MALRD1: variants seen among roughly 807,000 people sequenced by gnomAD.
MALRD1 encodes the protein MAM and LDL-receptor class A domain-containing protein 1.
A neutral mutation model predicts 242.1 loss-of-function variants in MALRD1; 247 were observed. That is an observed-to-expected ratio of 1.02 (90% CI 0.92 to 1.13). The LOEUF is 1.13. Ranked by LOEUF, MALRD1 falls within the 50% of genes most tolerant of loss-of-function variation. The probability of loss-of-function intolerance (pLI) is 0.00; values close to 1 mark genes in which losing one functional copy is unlikely to be tolerated. For synonymous variants in MALRD1, 995 were observed against 866.6 expected, an observed-to-expected ratio of 1.15 and a Z score of -2.60; for missense variants, 2,989 against 2,533.1, an observed-to-expected ratio of 1.18 and a Z score of -3.86.
chr10:19,221,678 T>G (rs1191663059), intron 18 of MALRD1, among the ~76,000 whole-genome samples: 5 of 152,128 alleles, frequency 3.3e-5, no homozygotes, highest in African/African-American at 1.2e-4. Context: ...CTTGATAGGT[T>G]TATTAAAGTC....
chr10:19,380,701 A>G lies in MALRD1; in HGVS notation c.4442-6827A>G, dbSNP rs989101669. On this transcript the variant is annotated intron_variant, in intron 26 of 39. Transcript: ENST00000454679. ...ATTATATAGAATTTAAAAATGTTTT[A>G]ATCATTTCCTCTCTATCCATTTACT... Among the ~76,000 whole-genome samples the G allele has an allele frequency of 3.3e-5, 5 of 152,104 alleles. No homozygotes were observed. The East Asian group carries it at 7.7e-4, about 24-fold the overall frequency.
chr10:19,643,354 T>A (rs1461926395), intron 36 of MALRD1, among the ~76,000 whole-genome samples: 1 of 151,980 alleles, frequency 6.6e-6, no homozygotes, highest in Non-Finnish European at 1.5e-5. Context: ...GCTGAAGCAG[T>A]AGAATCGCTT....
intron 33 of MALRD1, among the ~76,000 whole-genome samples, chr10:19,586,302 C>G (rs1400668384): frequency 6.6e-6 from 1 of 152,142 alleles, no homozygotes; most frequent in Non-Finnish European, 1.5e-5. Context: ...GAGAGGTGCT[C>G]TGCTTTTTAG....
intron 29 of MALRD1, among the ~76,000 whole-genome samples, chr10:19,466,971 C>G (rs1481044540): frequency 6.6e-6 from 1 of 152,098 alleles, no homozygotes; most frequent in Non-Finnish European, 1.5e-5. Flanking sequence ...GGATGTTTAA[C>G]ATGTTCATGC....
chr10:19,450,975 A>C (rs1380539815), intron 29 of MALRD1, among the ~76,000 whole-genome samples: 2 of 152,296 alleles, frequency 1.3e-5, no homozygotes, highest in African/African-American at 4.8e-5. Flanking sequence ...ATCTCTGGAC[A>C]CTATCACCTT....
chr10:19,048,789 G>A, upstream of MALRD1: 2 of 487,742 alleles, frequency 4.1e-6, no homozygotes, highest in Non-Finnish European at 6.5e-6. Context: ...ACTGCCTGGG[G>A]AGTAATTTGT....
At chr10:19,432,296 T>C (rs1364161583) in intron 28 of MALRD1, among the ~76,000 whole-genome samples, 4 of 152,198 alleles carry the variant, frequency 2.6e-5, no homozygotes, top group African/African-American at 7.2e-5. Flanking sequence ...AATGAAACAA[T>C]TCACTGTTTA....
chr10:19,212,082 T>G (rs574875322), intron 18 of MALRD1, among the ~76,000 whole-genome samples: 10 of 152,322 alleles, frequency 6.6e-5, no homozygotes, highest in African/African-American at 2.4e-4. Flanking sequence ...ACATGAAACT[T>G]CAGTTCAATC....
chr10:19,149,823 G>C (rs551710634), intron 11 of MALRD1, among the ~76,000 whole-genome samples: 86 of 152,180 alleles, frequency 5.7e-4, no homozygotes, highest in African/African-American at 1.6e-3. Context: ...ACATTTTTCT[G>C]TGCCATTATG....
intron 22 of MALRD1, among the ~76,000 whole-genome samples, chr10:19,325,685 G>A (rs1843095473): frequency 2.0e-5 from 3 of 152,090 alleles, no homozygotes; most frequent in African/African-American, 7.2e-5. Context: ...AGAATTGTAT[G>A]TACTATGAGC....
intron 14 of MALRD1, among the ~76,000 whole-genome samples, chr10:19,184,065 AG>A (rs1835635928): frequency 6.6e-6 from 1 of 152,208 alleles, no homozygotes; most frequent in Admixed American, 6.5e-5. Flanking sequence ...AGAAACTCTA[AG>A]GGACAGGCTG....
chr10:19,692,837 TA>T (rs1833150869), intron 38 of MALRD1, among the ~76,000 whole-genome samples: 1 of 141,022 alleles, frequency 7.1e-6, no homozygotes. Context: ...TATGAAATTA[TA>T]TATATATGAA....
chr10:19,437,908 C>T (rs1834418566), intron 28 of MALRD1, among the ~76,000 whole-genome samples: 1 of 152,100 alleles, frequency 6.6e-6, no homozygotes, highest in Non-Finnish European at 1.5e-5. Context: ...CAGTTCTTTA[C>T]ATCCTCAAAT....
chr10:19,324,272 T>A (rs1014453229), intron 22 of MALRD1, among the ~76,000 whole-genome samples, 167 bp downstream of exon 22: 2 of 152,326 alleles, frequency 1.3e-5, no homozygotes, highest in South Asian at 4.1e-4. Context: ...GAATTGGACA[T>A]GAATAGCTAA....
intron 10 of MALRD1, among the ~76,000 whole-genome samples, chr10:19,137,163 C>G (rs947237676): frequency 6.6e-6 from 1 of 152,022 alleles, no homozygotes; most frequent in Non-Finnish European, 1.5e-5. Flanking sequence ...TTTTTCCTCT[C>G]TAGTCAATCA....
At chr10:19,345,332 T>G (rs1844069056) in intron 24 of MALRD1, among the ~76,000 whole-genome samples, 1 of 152,210 alleles carries the variant, frequency 6.6e-6, no homozygotes, top group South Asian at 2.1e-4. Context: ...CTGCTCTATA[T>G]GCTAATATAT....
At chr10:19,351,109 C>G (rs6481881) in intron 25 of MALRD1, among the ~76,000 whole-genome samples, 2 of 152,008 alleles carry the variant, frequency 1.3e-5, no homozygotes, top group Admixed American at 1.3e-4. Context: ...TATGATTTAA[C>G]GGTGTTCATT....
At chr10:19,479,231 A>C (rs1468061675) in intron 29 of MALRD1, among the ~76,000 whole-genome samples, 1 of 152,182 alleles carries the variant, frequency 6.6e-6, no homozygotes, top group African/African-American at 2.4e-5. Flanking sequence ...TTACAGAGTA[A>C]AGAAATCAAA....
At chr10:19,418,630 AAAT>A (rs1486808869) in intron 28 of MALRD1, among the ~76,000 whole-genome samples, 14 of 152,180 alleles carry the variant, frequency 9.2e-5, no homozygotes, top group Admixed American at 2.6e-4. Flanking sequence ...CTGATTACTA[AAAT>A]AATTGCAAAA....
Sources: gnomAD v4.1 joint callset for allele counts (sites outside exome capture counted in the v4.1 genomes callset) on GRCh38, gnomAD v4.1.1 for gene constraint, MANE v1.5 for transcripts, NCBI Gene and HGNC (gene_info 2026-07-23, HGNC 2026-07-21) for gene names.